Variants in LSAMP observed in about 807,000 individuals in gnomAD.
LSAMP encodes limbic system associated membrane protein, also known as limbic system-associated membrane protein.
A neutral mutation model predicts 38.6 loss-of-function variants in LSAMP; 7 were observed. The ratio of observed to expected loss-of-function variants is 0.18; its 90% CI spans 0.10 to 0.34. The LOEUF (loss-of-function observed/expected upper bound fraction) is 0.34, where lower values mean the gene tolerates loss of function less well. Among genes scored for constraint, LSAMP ranks in the 10% least tolerant of loss-of-function variants. The probability of loss-of-function intolerance (pLI) is 1.00; values close to 1 mark genes in which losing one functional copy is unlikely to be tolerated. For synonymous variants in LSAMP, 154 were observed against 166.8 expected (o/e 0.92, Z 0.59); for missense variants, 313 against 420.0 (o/e 0.75, Z 2.23).
chr3:116,259,783 TA>T (rs1301992756), intron 1 of LSAMP, among the ~76,000 whole-genome samples: 2 of 152,036 alleles, frequency 1.3e-5, no homozygotes, highest in African/African-American at 2.4e-5. Flanking sequence ...AAGTCTCAAC[TA>T]AAAAAACAAA....
At chr3:116,351,114 C>T (rs1055360545) in intron 1 of LSAMP, among the ~76,000 whole-genome samples, 2 of 151,524 alleles carry the variant, frequency 1.3e-5, no homozygotes, top group Admixed American at 1.3e-4. Flanking sequence ...CAATAAACTG[C>T]CTGAGAGTTT....
chr3:115,974,604 G>C (rs1430386387), intron 3 of LSAMP, among the ~76,000 whole-genome samples: 2 of 152,158 alleles, frequency 1.3e-5, no homozygotes, highest in African/African-American at 4.8e-5. Context: ...ACATATTTGT[G>C]AGGTTTTAGT....
intron 1 of LSAMP, among the ~76,000 whole-genome samples, chr3:116,371,452 C>G (rs2048428774): frequency 6.6e-6 from 1 of 151,942 alleles, no homozygotes; most frequent in Non-Finnish European, 1.5e-5. Context: ...AACACATTAT[C>G]ATCCCAATTT....
chr3:115,871,167 G>T (rs1400551888), intron 3 of LSAMP, among the ~76,000 whole-genome samples: 2 of 152,152 alleles, frequency 1.3e-5, no homozygotes, highest in East Asian at 3.9e-4. Context: ...CTGCCTGGGA[G>T]TTCTTAAAAT....
At chr3:115,987,807 G>A (rs1939554922) in intron 3 of LSAMP, among the ~76,000 whole-genome samples, 1 of 152,138 alleles carries the variant, frequency 6.6e-6, no homozygotes, top group East Asian at 1.9e-4. Context: ...ATATTTTGCA[G>A]TCAGGAGAAA....
intron 3 of LSAMP, among the ~76,000 whole-genome samples, chr3:116,017,713 C>T (rs767305920): frequency 8.6e-5 from 13 of 151,916 alleles, no homozygotes; most frequent in Non-Finnish European, 1.3e-4. Flanking sequence ...AAAAAGCAAA[C>T]GATTGCTTAG....
At chr3:115,855,172 A>C (rs1255212295) in intron 3 of LSAMP, among the ~76,000 whole-genome samples, 2 of 152,214 alleles carry the variant, frequency 1.3e-5, no homozygotes, top group Admixed American at 6.5e-5. Flanking sequence ...TAAAACAAAA[A>C]CAAAAACTAA....
chr3:116,147,413 A>G (rs930255996), intron 1 of LSAMP, among the ~76,000 whole-genome samples: 3 of 151,864 alleles, frequency 2.0e-5, no homozygotes, highest in Non-Finnish European at 2.9e-5. Flanking sequence ...ATCATGGCAT[A>G]TATTCTCCAA....
chr3:116,369,848 GT>G (rs1379938578), intron 1 of LSAMP: 1 of 152,574 alleles, frequency 6.6e-6, no homozygotes, highest in Non-Finnish European at 1.5e-5. Flanking sequence ...AGAGCCACCA[GT>G]GGGGCGCATT....
At chr3:115,826,925 G>C (rs1400542388) in intron 6 of LSAMP, among the ~76,000 whole-genome samples, 1 of 147,944 alleles carries the variant, frequency 6.8e-6, no homozygotes, top group Non-Finnish European at 1.5e-5. Context: ...CCCAACGGAA[G>C]ACCAGCCTCC....
chr3:116,319,348 A>G (rs556440823), intron 1 of LSAMP, among the ~76,000 whole-genome samples: 2 of 152,232 alleles, frequency 1.3e-5, no homozygotes, highest in South Asian at 4.1e-4. Flanking sequence ...GTCAGGCATC[A>G]CCCCAGATTC....
chr3:115,920,018 G>A (rs1052152459), intron 3 of LSAMP, among the ~76,000 whole-genome samples: 4 of 143,170 alleles, frequency 2.8e-5, no homozygotes, highest in African/African-American at 1.1e-4. Context: ...TTGTAACTTA[G>A]AATTTCCTTC....
intron 1 of LSAMP, among the ~76,000 whole-genome samples, chr3:116,183,689 G>T (rs543188492): frequency 6.6e-6 from 1 of 151,838 alleles, no homozygotes; most frequent in African/African-American, 2.4e-5. Context: ...TAATATAGGG[G>T]TCATCTTTAT....
intron 3 of LSAMP, among the ~76,000 whole-genome samples, chr3:115,949,388 A>G (rs1281944822): frequency 1.3e-5 from 2 of 150,094 alleles, no homozygotes; most frequent in East Asian, 2.0e-4. Flanking sequence ...TCTTAAAAAT[A>G]GTTTTTTTGT....
intron 3 of LSAMP, among the ~76,000 whole-genome samples, chr3:116,013,225 G>T (rs1278138093): frequency 6.6e-6 from 1 of 152,204 alleles, no homozygotes; most frequent in African/African-American, 2.4e-5. Flanking sequence ...AGAATAGCCA[G>T]CACGTTAGGT....
intron 3 of LSAMP, among the ~76,000 whole-genome samples, chr3:115,863,282 T>C (rs1935761585): frequency 6.6e-6 from 1 of 152,204 alleles, no homozygotes; most frequent in South Asian, 2.1e-4. Context: ...TCTCTTACCC[T>C]GAGGGGTGGA....
At chr3:115,908,920 A>T (rs1160551135) in intron 3 of LSAMP, among the ~76,000 whole-genome samples, 3 of 151,952 alleles carry the variant, frequency 2.0e-5, no homozygotes, top group Non-Finnish European at 4.4e-5. Flanking sequence ...GTTCTAGGTC[A>T]CTCTTTAGGA....
chr3:116,101,701 C>A (rs906274994), intron 1 of LSAMP, among the ~76,000 whole-genome samples: 1 of 152,092 alleles, frequency 6.6e-6, no homozygotes, highest in Non-Finnish European at 1.5e-5. Flanking sequence ...ATCATCCAAA[C>A]AGTAAATTAA....
intron 1 of LSAMP, among the ~76,000 whole-genome samples, chr3:116,284,070 A>T (rs2047163527): frequency 6.6e-6 from 1 of 152,160 alleles, no homozygotes; most frequent in Non-Finnish European, 1.5e-5. Context: ...TAAGTTTGTG[A>T]TTGTTTTAAT....
Sources: allele counts gnomAD v4.1 joint callset (sites outside exome capture counted in the v4.1 genomes callset), GRCh38; gene constraint gnomAD v4.1.1; transcripts MANE v1.5; gene names NCBI Gene and HGNC (gene_info 2026-07-23, HGNC 2026-07-21).